The following FAH variants were observed in gnomAD, a reference collection of about 807,000 sequenced individuals.
FAH encodes fumarylacetoacetate hydrolase.
In FAH, 47 loss-of-function variants were observed where a neutral mutation model predicts 55.8. The ratio of observed to expected loss-of-function variants is 0.84; its 90% CI spans 0.67 to 1.07. The LOEUF (loss-of-function observed/expected upper bound fraction) is 1.07. Among genes scored for constraint, FAH ranks in the 50% least tolerant of loss-of-function variants. The pLI, the probability that FAH is intolerant of heterozygous loss-of-function variation, is 0.00. For missense variants in FAH, 495 were observed against 545.9 expected (o/e 0.91, Z 0.93); for synonymous variants, 199 against 207.7 (o/e 0.96, Z 0.36).
intron 7 of FAH, 98 bp from the exon 8 acceptor site, chr15:80,172,051 G>A: frequency 2.3e-6 from 2 of 884,200 alleles, no homozygotes; most frequent in Non-Finnish European, 3.9e-6. Flanking sequence ...CCTGGTCCAT[G>A]GCTGGAGTTT....
upstream of FAH, chr15:80,152,847 G>T (rs542873475): frequency 4.3e-3 from 2,435 of 564,678 alleles, 48 homozygotes; most frequent in African/African-American, 0.032. Flanking sequence ...TCAGGGTAGG[G>T]GGGAGGGGCA....
intron 5 of FAH, chr15:80,162,544 TC>T (rs2041158347): frequency 4.8e-6 from 3 of 623,422 alleles, no homozygotes; most frequent in Non-Finnish European, 8.7e-6. Flanking sequence ...GAAGGGCAAG[TC>T]CCTTAAACTT....
At chr15:80,180,536 C>G (rs1196826161) in intron 12 of FAH, among the ~76,000 whole-genome samples, 1 of 152,198 alleles carries the variant, frequency 6.6e-6, no homozygotes, top group African/African-American at 2.4e-5. Context: ...ACACTACACC[C>G]TCCCAGGATG....
At chr15:80,174,470 A>T (rs1358864575) in intron 9 of FAH, among the ~76,000 whole-genome samples, 1 of 152,236 alleles carries the variant, frequency 6.6e-6, no homozygotes, top group Non-Finnish European at 1.5e-5. Flanking sequence ...AACCATTAGT[A>T]TCACCAAAAA....
At chr15:80,178,647 G>A (rs990637232) in intron 11 of FAH, among the ~76,000 whole-genome samples, 44 of 150,678 alleles carry the variant, frequency 2.9e-4, no homozygotes, top group Non-Finnish European at 2.9e-4. Context: ...GCAGTGGCGC[G>A]ATCTCGGCTC....
chr15:80,158,296 T>G (rs578057411), intron 2 of FAH, 126 bp downstream of exon 2: 1 of 796,664 alleles, frequency 1.3e-6, no homozygotes, highest in South Asian at 1.4e-5. Context: ...GAGGTTATAC[T>G]TGGATAAGGC....
intron 13 of FAH, among the ~76,000 whole-genome samples, chr15:80,185,646 A>G (rs182915093): frequency 1.3e-5 from 2 of 152,350 alleles, no homozygotes; most frequent in Admixed American, 6.5e-5. Context: ...CATGTCTTAC[A>G]TGGTGGCAGG....
intron 1 of FAH, among the ~76,000 whole-genome samples, chr15:80,154,563 C>T (rs1407325411): frequency 6.6e-6 from 1 of 152,242 alleles, no homozygotes; most frequent in Non-Finnish European, 1.5e-5. Context: ...TCTTCTGAAG[C>T]TTTCTCTGCA....
At chr15:80,182,817 C>T (rs564728665) in intron 13 of FAH, among the ~76,000 whole-genome samples, 1 of 152,352 alleles carries the variant, frequency 6.6e-6, no homozygotes, top group African/African-American at 2.4e-5. Flanking sequence ...CCAGACCTAC[C>T]GCAGGCCTTT....
rs147085842 is a variant in FAH at position 80,181,731 on chromosome 15, T to G, written c.1180+572T>G. Reference sequence around the variant, plus strand: ...GTTATTTAGCCTTTCTGAGACTCAGTTTACCTCATCTTTAATTATTTTTTT... The same window carrying G: ...GTTATTTAGCCTTTCTGAGACTCAGGTTACCTCATCTTTAATTATTTTTTT... On this transcript the variant is annotated intron_variant, in intron 13 of 13. Coordinates refer to ENST00000561421, the MANE Select transcript of FAH (RefSeq NM_000137.4). 1.4e-3 allele frequency among the ~76,000 whole-genome samples: 210 copies of G among 152,226 alleles called. 1 individual carries two copies. The highest frequency in any genetic ancestry group is 4.8e-3 in the African/African-American group (200 of 41,550).
chr15:80,162,163 T>G (rs1430560306), intron 4 of FAH, 83 bp from the exon 5 acceptor site: 2 of 1,022,022 alleles, frequency 2.0e-6, no homozygotes, highest in Non-Finnish European at 3.1e-6. Flanking sequence ...GTGTGCACAC[T>G]CGTGGCTCCA....
Position 80,186,247 on chromosome 15 carries a change from ACC to A in FAH, c.*41_*42del. On this transcript the variant is annotated 3_prime_UTR_variant, in exon 14 of 14. Coordinates refer to ENST00000561421, the MANE Select transcript of FAH (RefSeq NM_000137.4). ...TCTTCTGGAAACAAAGGGCTCAAGC[ACC>A]CCTTTCAACCCTGTGACTGGGGTCC... 1.8e-6 allele frequency: 2 copies of A among 1,142,296 alleles called. No homozygotes were observed. Among genetic ancestry groups the A allele is most frequent in the Non-Finnish European group, 2.4e-6 (2 of 819,178 alleles). The allele number at this position is 1,142,296 out of a possible 1,614,324, so 70.8% of individuals were successfully genotyped here.
At chr15:80,167,509 G>C (rs2041201175) in intron 5 of FAH, among the ~76,000 whole-genome samples, 2 of 151,428 alleles carry the variant, frequency 1.3e-5, no homozygotes. Flanking sequence ...AAAGACTCTG[G>C]GAGTTAGGAC....
intron 12 of FAH, among the ~76,000 whole-genome samples, chr15:80,180,636 G>T (rs2041323249): frequency 6.6e-6 from 1 of 152,170 alleles, no homozygotes; most frequent in Non-Finnish European, 1.5e-5. Flanking sequence ...ATGACCTTGG[G>T]GTGGTGCATG....
At chr15:80,154,581 G>C (rs2041082366) in intron 1 of FAH, among the ~76,000 whole-genome samples, 1 of 152,214 alleles carries the variant, frequency 6.6e-6, no homozygotes, top group Non-Finnish European at 1.5e-5. Context: ...GCAGGCATTG[G>C]ACATTCCAAC....
At chr15:80,173,298 C>A in intron 9 of FAH, 154 bp downstream of exon 9, 1 of 968,682 alleles carries the variant, frequency 1.0e-6, no homozygotes, top group Non-Finnish European at 1.6e-6. Context: ...AGTTCCTGGC[C>A]ACGATTACTT....
chr15:80,167,801 G>A (rs1483142901), intron 5 of FAH, among the ~76,000 whole-genome samples: 1 of 152,064 alleles, frequency 6.6e-6, no homozygotes, highest in African/African-American at 2.4e-5. Flanking sequence ...CAAAGTGCTG[G>A]GATTACAGGC....
intron 7 of FAH, among the ~76,000 whole-genome samples, chr15:80,171,526 T>A (rs1038482635): frequency 2.0e-5 from 3 of 152,222 alleles, no homozygotes; most frequent in Admixed American, 6.5e-5. Flanking sequence ...CGTGGCGTGA[T>A]CTCGGCCTGC....
upstream of FAH, chr15:80,152,980 G>A (rs1456167813): frequency 7.3e-7 from 1 of 1,369,152 alleles, no homozygotes; most frequent in Non-Finnish European, 1.0e-6. Flanking sequence ...GGCCGGGCCT[G>A]ACCACAGCGG....
Sources: gnomAD v4.1 joint callset for allele counts (sites outside exome capture counted in the v4.1 genomes callset) on GRCh38, gnomAD v4.1.1 for gene constraint, MANE v1.5 for transcripts, NCBI Gene and HGNC (gene_info 2026-07-23, HGNC 2026-07-21) for gene names.